NFIB: variants seen among roughly 807,000 people sequenced by gnomAD.
NFIB encodes the protein nuclear factor I B, also known as nuclear factor 1 B-type.
In NFIB, 11 loss-of-function variants were observed where a neutral mutation model predicts 61.5. The ratio of observed to expected loss-of-function variants is 0.18; its 90% confidence interval spans 0.11 to 0.30. The LOEUF (loss-of-function observed/expected upper bound fraction) is 0.30. Among genes scored for constraint, NFIB ranks in the 10% least tolerant of loss-of-function variants. The probability of loss-of-function intolerance (pLI) is 1.00; values close to 1 mark genes in which losing one functional copy is unlikely to be tolerated. For missense variants in NFIB, 471 were observed against 608.9 expected (o/e 0.77, Z 2.38); for synonymous variants, 260 against 216.5 (o/e 1.20, Z -1.76).
chr9:14,136,830 A>G (rs1469151281), intron 6 of NFIB, among the ~76,000 whole-genome samples: 1 of 152,206 alleles, frequency 6.6e-6, no homozygotes, highest in Non-Finnish European at 1.5e-5. Flanking sequence ...CAGCAGCTCA[A>G]TGCAAATATG....
intron 1 of NFIB, among the ~76,000 whole-genome samples, chr9:14,385,407 C>T (rs1353854293): frequency 6.6e-6 from 1 of 152,304 alleles, no homozygotes; most frequent in Non-Finnish European, 1.5e-5. Context: ...AGCCATCATA[C>T]AGAGGGGGTT....
intron 2 of NFIB, among the ~76,000 whole-genome samples, chr9:14,295,092 T>G (rs981773145): frequency 6.6e-6 from 1 of 152,218 alleles, no homozygotes; most frequent in African/African-American, 2.4e-5. Flanking sequence ...TCAATTTCAG[T>G]AATAAATGTT....
chr9:14,469,526 T>C, the NFIB span, among the ~76,000 whole-genome samples: 1 of 152,260 alleles, frequency 6.6e-6, no homozygotes, highest in South Asian at 2.1e-4. Flanking sequence ...AATAACGTAA[T>C]CTTGTGTATT....
intron 1 of NFIB, among the ~76,000 whole-genome samples, chr9:14,379,364 G>T (rs2061456957): frequency 6.6e-6 from 1 of 152,156 alleles, no homozygotes; most frequent in Middle Eastern, 3.2e-3. Flanking sequence ...TCTTAAAATT[G>T]AATTATGTTT....
chr9:14,436,546 A>C, the NFIB span, among the ~76,000 whole-genome samples: 1 of 152,136 alleles, frequency 6.6e-6, no homozygotes, highest in Non-Finnish European at 1.5e-5. Flanking sequence ...CAGTTACCAA[A>C]TTTCTCCTGC....
upstream of NFIB, among the ~76,000 whole-genome samples, chr9:14,400,975 C>A (rs1765237457): frequency 6.6e-6 from 1 of 152,196 alleles, no homozygotes; most frequent in Admixed American, 6.5e-5. Flanking sequence ...GTTTTTCACC[C>A]TCTTTGATAT....
At chr9:14,209,145 G>A (rs900607851) in intron 2 of NFIB, among the ~76,000 whole-genome samples, 3 of 152,146 alleles carry the variant, frequency 2.0e-5, no homozygotes, top group Non-Finnish European at 4.4e-5. Flanking sequence ...GAAAAATGCT[G>A]CAGATTATAA....
chr9:14,191,752 G>C (rs2047973016), intron 2 of NFIB, among the ~76,000 whole-genome samples: 3 of 152,068 alleles, frequency 2.0e-5, no homozygotes, highest in African/African-American at 7.2e-5. Flanking sequence ...TTTTAACACA[G>C]ACCAACTTCA....
At chr9:14,210,184 T>C (rs113029263) in intron 2 of NFIB, among the ~76,000 whole-genome samples, 4 of 152,298 alleles carry the variant, frequency 2.6e-5, no homozygotes, top group African/African-American at 7.2e-5. Flanking sequence ...GGAAAAAGGA[T>C]TCTGTATTTT....
At chr9:14,205,304 ATGAAAACGTG>A (rs2049561906) in intron 2 of NFIB, among the ~76,000 whole-genome samples, 1 of 111,716 alleles carries the variant, frequency 9.0e-6, no homozygotes, top group Non-Finnish European at 2.0e-5. Context: ...AGGAAGGGGA[ATGAAAACGTG>A]GGAGGGAGGA....
chr9:14,202,165 A>C (rs1056056619), intron 2 of NFIB, among the ~76,000 whole-genome samples: 6 of 112,262 alleles, frequency 5.3e-5, no homozygotes, highest in African/African-American at 1.2e-4. Flanking sequence ...CACACACACA[A>C]AGATTTAGCA....
chr9:14,319,503 G>A (rs1447071856), intron 1 of NFIB, among the ~76,000 whole-genome samples: 1 of 152,194 alleles, frequency 6.6e-6, no homozygotes, highest in East Asian at 1.9e-4. Flanking sequence ...CTCTCACACA[G>A]TGTCTCTTGT....
intron 1 of NFIB, among the ~76,000 whole-genome samples, chr9:14,328,044 G>A (rs371774688): frequency 3.3e-5 from 5 of 152,316 alleles, no homozygotes; most frequent in African/African-American, 1.2e-4. Flanking sequence ...TGATTGACAA[G>A]CAAATATGGA....
intron 2 of NFIB, among the ~76,000 whole-genome samples, chr9:14,264,469 C>A (rs905989257): frequency 6.6e-6 from 1 of 152,080 alleles, no homozygotes; most frequent in Non-Finnish European, 1.5e-5. Context: ...CAAAGGAACC[C>A]CTACTCTCTG....
intron 2 of NFIB, among the ~76,000 whole-genome samples, chr9:14,305,274 AT>A (rs1199158127): frequency 6.6e-6 from 1 of 152,206 alleles, no homozygotes; most frequent in Non-Finnish European, 1.5e-5. Context: ...GCAACTTAAA[AT>A]GTGAGCAGTA....
chr9:14,131,333 C>G (rs1258096701), intron 6 of NFIB, among the ~76,000 whole-genome samples: 1 of 152,160 alleles, frequency 6.6e-6, no homozygotes, highest in Non-Finnish European at 1.5e-5. Context: ...ATCAAATTAT[C>G]ACACGATTTT....
the NFIB span, among the ~76,000 whole-genome samples, chr9:14,408,803 G>A: frequency 1.3e-5 from 2 of 152,208 alleles, no homozygotes; most frequent in Admixed American, 6.5e-5. Flanking sequence ...GTACTTATTA[G>A]GTTTCAGGCA....
At chr9:14,192,417 T>A (rs1041823727) in intron 2 of NFIB, among the ~76,000 whole-genome samples, 1 of 152,094 alleles carries the variant, frequency 6.6e-6, no homozygotes, top group Non-Finnish European at 1.5e-5. Context: ...CTAAATCTCA[T>A]CCCTCCACCC....
chr9:14,124,191 A>G, intron 7 of NFIB, among the ~76,000 whole-genome samples: 1 of 152,184 alleles, frequency 6.6e-6, no homozygotes, highest in Non-Finnish European at 1.5e-5. Flanking sequence ...TTCGTTATAT[A>G]AAAATATACT....
Sources: gnomAD v4.1 joint callset for allele counts (sites outside exome capture counted in the v4.1 genomes callset) on GRCh38, gnomAD v4.1.1 for gene constraint, MANE v1.5 for transcripts, NCBI Gene and HGNC (gene_info 2026-07-23, HGNC 2026-07-21) for gene names.